The following ABCA1 variants were observed in gnomAD, a reference collection of about 807,000 sequenced individuals.
ABCA1 encodes ATP binding cassette subfamily A member 1, also known as phospholipid-transporting ATPase ABCA1.
A neutral mutation model predicts 262.5 loss-of-function variants in ABCA1; 133 were observed. The observed-to-expected ratio is 0.51, with a 90% CI of 0.44 to 0.59. The LOEUF is 0.59. Ranked by LOEUF, ABCA1 falls within the 20% of genes least tolerant of loss-of-function variation. The probability of loss-of-function intolerance (pLI) is 0.00; values close to 1 mark genes in which losing one functional copy is unlikely to be tolerated. For synonymous variants in ABCA1, 1,022 were observed against 1,043.5 expected (o/e 0.98, Z 0.40); for missense variants, 2,452 against 2,777.5 (o/e 0.88, Z 2.63).
rs187652566 is a variant in ABCA1 at position 104,822,664 on chromosome 9, C to A, written c.2660G>T (p.Cys887Phe). 4.0e-4 allele frequency: 642 copies of A among 1,614,030 alleles called. 2 individuals carry two copies. In the East Asian group the frequency reaches 7.0e-3, roughly 18 times the overall value. The stretch of plus-strand genomic sequence containing the variant: ...CAAGTGGGTGGGTTCCTCCTCCATG[C>A]AGACTGTGACAGGAGAGAAGACAGA... Reference protein sequence around the residue: ...GSNQKRISEICMEEEPTHLKL... With the variant: ...GSNQKRISEIFMEEEPTHLKL... The change falls in exon 19 of 50, where the codon TGC becomes TTC. Residue 887 changes from cysteine (C) to phenylalanine (F), a missense_variant. Around this residue, in one of 4 missense-constraint regions of ABCA1, gnomAD observed 1,032 missense variants for 1,089.7 expected, o/e 0.95. Coordinates refer to ENST00000374736, the MANE Select transcript of ABCA1 (RefSeq NM_005502.4).
intron 17 of ABCA1, among the ~76,000 whole-genome samples, chr9:104,824,964 T>C (rs576202064): frequency 6.6e-6 from 1 of 152,322 alleles, no homozygotes; most frequent in Admixed American, 6.5e-5. Flanking sequence ...TATACCTCCT[T>C]AGGGGAGGAT....
chr9:104,863,338 ACTT>A (rs1836799756), intron 5 of ABCA1, among the ~76,000 whole-genome samples: 1 of 152,158 alleles, frequency 6.6e-6, no homozygotes, highest in African/African-American at 2.4e-5. Flanking sequence ...TAACAGCCTA[ACTT>A]CTTTGTAATA....
At chr9:104,927,302 G>C (rs1826429252) in intron 1 of ABCA1, among the ~76,000 whole-genome samples, 1 of 152,054 alleles carries the variant, frequency 6.6e-6, no homozygotes, top group East Asian at 1.9e-4. Context: ...CTGTAGGCAG[G>C]ACCTCCCTAC....
At chr9:104,837,835 T>C (rs898959328) in intron 9 of ABCA1, among the ~76,000 whole-genome samples, 1 of 152,224 alleles carries the variant, frequency 6.6e-6, no homozygotes, top group Non-Finnish European at 1.5e-5. Context: ...GAGCTTATTA[T>C]AACGTCAATG....
At chr9:104,867,537 G>C (rs951376968) in intron 5 of ABCA1, among the ~76,000 whole-genome samples, 7 of 152,238 alleles carry the variant, frequency 4.6e-5, no homozygotes, top group Non-Finnish European at 1.0e-4. Context: ...ATGTGTGTAT[G>C]TGTGTGCATA....
chr9:104,866,728 T>A (rs1434979605), intron 5 of ABCA1, among the ~76,000 whole-genome samples: 3 of 152,188 alleles, frequency 2.0e-5, no homozygotes, highest in Non-Finnish European at 4.4e-5. Context: ...CCTCAGGTGA[T>A]CCACTCGCCT....
At chr9:104,844,635 A>G (rs1834699032) in intron 8 of ABCA1, among the ~76,000 whole-genome samples, 1 of 152,272 alleles carries the variant, frequency 6.6e-6, no homozygotes, top group South Asian at 2.1e-4. Context: ...AGCACCAAAA[A>G]AAGAAAAACG....
chr9:104,922,532 T>C (rs1392621920), intron 1 of ABCA1, among the ~76,000 whole-genome samples: 4 of 152,174 alleles, frequency 2.6e-5, no homozygotes, highest in Non-Finnish European at 5.9e-5. Context: ...TAAAAGCACC[T>C]ATTTCACTCA....
intron 19 of ABCA1, 142 bp from the exon 20 acceptor site, chr9:104,821,648 CA>C: frequency 1.0e-6 from 1 of 962,950 alleles, no homozygotes; most frequent in Non-Finnish European, 1.5e-6. Flanking sequence ...CAGACCCACA[CA>C]AAGCAAAGCT....
At chr9:104,850,613 C>G (rs1057419008) in intron 7 of ABCA1, among the ~76,000 whole-genome samples, 2 of 152,122 alleles carry the variant, frequency 1.3e-5, no homozygotes, top group Admixed American at 6.5e-5. Context: ...TAAAATTAAC[C>G]CCAGGAAAGA....
At chr9:104,927,721 G>GC (rs1425438550) in intron 1 of ABCA1, 1 of 152,248 alleles carries the variant, frequency 6.6e-6, no homozygotes, top group African/African-American at 2.4e-5. Context: ...CGTCGGGCAA[G>GC]CCCCAAGCGC....
Position 104,790,886 on chromosome 9 carries a change from T to C in ABCA1, c.5927+36A>G, listed in dbSNP as rs1564080603. ...TTCTTTAAATAAATTAAAAACAAAG[T>C]CTTTGCAGCAAAATACAAGCCACTT... On this transcript the variant is annotated intron_variant, in intron 44 of 49. Coordinates refer to ENST00000374736, the MANE Select transcript of ABCA1 (RefSeq NM_005502.4). 5 of 1,378,346 alleles carry C rather than the reference T, an allele frequency of 3.6e-6. No homozygotes were observed. In the Admixed American group the frequency reaches 6.7e-5, roughly 19 times the overall value. 85.4% of individuals were successfully genotyped at this position (1,378,346 alleles called of 1,614,324 possible).
chr9:104,832,641 A>C lies in ABCA1; in HGVS notation c.1442T>G (p.Val481Gly). 1 of 1,614,186 alleles carries C rather than the reference A, an allele frequency of 6.2e-7. No homozygotes were observed. The highest frequency in any genetic ancestry group is 1.1e-5 in the South Asian group (1 of 91,072). ...PEDVQSSNGSVYTWREAFNET... is the reference protein window; with the variant it reads ...PEDVQSSNGSGYTWREAFNET... ...GTTGAAAGCTTCTCTCCAGGTGTAC[A>C]CAGAACCATTACTGGACTGGACATC... Residue 481 changes from valine (V) to glycine (G), a missense_variant, in exon 12 of 50, where the codon GTG (valine) becomes GGG (glycine). Around this residue, in one of 4 missense-constraint regions of ABCA1, gnomAD observed 1,032 missense variants for 1,089.7 expected, o/e 0.95. Coordinates refer to ENST00000374736, the MANE Select transcript of ABCA1 (RefSeq NM_005502.4).
At chr9:104,843,470 G>A (rs1173535079) in intron 8 of ABCA1, among the ~76,000 whole-genome samples, 1 of 152,198 alleles carries the variant, frequency 6.6e-6, no homozygotes, top group Admixed American at 6.5e-5. Flanking sequence ...AGTCGCTACT[G>A]GAGTTTTTCA....
chr9:104,785,689 A>G, intron 48 of ABCA1, 50 bp from the exon 49 acceptor site: 2 of 1,610,032 alleles, frequency 1.2e-6, no homozygotes, highest in Non-Finnish European at 8.5e-7. Flanking sequence ...AAAACTATTT[A>G]AAAGAATACT....
chr9:104,796,780 C>A (rs1829933387), intron 37 of ABCA1, among the ~76,000 whole-genome samples: 1 of 152,186 alleles, frequency 6.6e-6, no homozygotes, highest in East Asian at 1.9e-4. Flanking sequence ...TCTGTTTCGT[C>A]ATTAATGCTA....
Position 104,818,899 on chromosome 9 carries a change from A to G in ABCA1, c.3242-16T>C. On this transcript the variant is annotated splice_polypyrimidine_tract_variant and intron_variant, in intron 22 of 49. Transcript: ENST00000374736. ...ATGGTGCGGCCTGCCAGGCACAAAC[A>G]CAAGGATGTGGGACAGGTGAGGCCT... 1 of 1,604,582 alleles carries G rather than the reference A, an allele frequency of 6.2e-7. No individual in the cohort carries two copies. Among genetic ancestry groups the G allele is most frequent in the Non-Finnish European group, 8.5e-7 (1 of 1,174,518 alleles).
At position 104,804,657 on chromosome 9, in the gene ABCA1, C is replaced by G; in HGVS notation, c.4528G>C (p.Val1510Leu). The G allele has an allele frequency of 6.2e-7, 1 of 1,614,196 alleles. No individual in the cohort carries two copies. The highest frequency in any genetic ancestry group is 8.5e-7 in the Non-Finnish European group (1 of 1,180,016). ...LTGRNISDYL[V>L]KTYVQIIAKS... is the part of the protein sequence containing the mutation. ...GCTATGATCTGCACATACGTCTTCA[C>G]CAGATAATCCGAAATGTTTCTTCCT... Residue 1510 changes from valine to leucine, a missense_variant, in exon 32 of 50, where the codon GTG (valine) becomes CTG (leucine). Around this residue, in one of 4 missense-constraint regions of ABCA1, gnomAD observed 752 missense variants for 944.5 expected, o/e 0.80. Coordinates refer to ENST00000374736, the MANE Select transcript of ABCA1 (RefSeq NM_005502.4).
chr9:104,821,299 G>C, intron 20 of ABCA1, 76 bp downstream of exon 20: 1 of 1,574,716 alleles, frequency 6.4e-7, no homozygotes, highest in Non-Finnish European at 8.7e-7. Flanking sequence ...AAATGCTTAA[G>C]TCCCACTCCT....
Sources: allele counts gnomAD v4.1 joint callset (sites outside exome capture counted in the v4.1 genomes callset), GRCh38; gene constraint gnomAD v4.1.1; regional missense constraint gnomAD v4.1.1; transcripts MANE v1.5; gene names NCBI Gene and HGNC (gene_info 2026-07-23, HGNC 2026-07-21).